The following SDK1 variants were observed in gnomAD, a reference collection of about 807,000 sequenced individuals.
SDK1 encodes sidekick cell adhesion molecule 1.
A neutral mutation model predicts 245.5 loss-of-function variants in SDK1; 157 were observed. That is an observed-to-expected ratio of 0.64 (90% confidence interval 0.56 to 0.73). The LOEUF (loss-of-function observed/expected upper bound fraction) is 0.73. Ranked by LOEUF, SDK1 falls within the 30% of genes least tolerant of loss-of-function variation. The pLI, the probability that SDK1 is intolerant of heterozygous loss-of-function variation, is 0.00. For synonymous variants in SDK1, 1,647 were observed against 1,278.5 expected, an observed-to-expected ratio of 1.29 and a Z score of -6.15; for missense variants, 3,583 against 3,002.3, an observed-to-expected ratio of 1.19 and a Z score of -4.52.
intron 1 of SDK1, among the ~76,000 whole-genome samples, chr7:3,439,389 A>G (rs779052152): frequency 1.3e-5 from 2 of 152,192 alleles, no homozygotes; most frequent in Non-Finnish European, 2.9e-5. Flanking sequence ...TCCTCTAGAG[A>G]CTACTGTTGC....
chr7:3,751,308 CT>C (rs1316132916), intron 4 of SDK1, among the ~76,000 whole-genome samples: 2 of 152,238 alleles, frequency 1.3e-5, no homozygotes, highest in Non-Finnish European at 2.9e-5. Flanking sequence ...TGATGCCCCT[CT>C]TTACTTCCTG....
At position 4,072,896 on chromosome 7, in the gene SDK1, G is replaced by A. The variant is rs35905475; in HGVS notation, c.3011-4102G>A. On this transcript the variant is annotated intron_variant, in intron 20 of 44. Transcript: ENST00000404826. Reference sequence around the variant, plus strand: ...GAGAGGGAAGCACGGAGTAGGGGGCGGCTGCGCCTGCCCGAGTAAATTGCC... The same window carrying A: ...GAGAGGGAAGCACGGAGTAGGGGGCAGCTGCGCCTGCCCGAGTAAATTGCC... Among the ~76,000 whole-genome samples the A allele has an allele frequency of 6.9e-3, 1,058 of 152,340 alleles. 1 individual carries two copies. Among genetic ancestry groups the A allele is most frequent in the Middle Eastern group, 0.014 (4 of 294 alleles).
At chr7:3,676,696 A>G (rs1203582874) in intron 4 of SDK1, among the ~76,000 whole-genome samples, 1 of 152,214 alleles carries the variant, frequency 6.6e-6, no homozygotes, top group Non-Finnish European at 1.5e-5. Flanking sequence ...ATTTTTGTAT[A>G]TGATGATAGA....
chr7:3,514,723 C>A (rs922690093), intron 1 of SDK1, among the ~76,000 whole-genome samples: 6 of 152,092 alleles, frequency 3.9e-5, no homozygotes, highest in Non-Finnish European at 7.4e-5. Context: ...GTACTTAGAC[C>A]CCGTCTCCTT....
intron 1 of SDK1, among the ~76,000 whole-genome samples, chr7:3,563,477 A>G (rs1319143827): frequency 6.6e-6 from 1 of 152,184 alleles, no homozygotes; most frequent in Non-Finnish European, 1.5e-5. Context: ...ATGAAGAGGA[A>G]TGCTATATAT....
chr7:3,678,131 A>T (rs1783967725), intron 4 of SDK1, among the ~76,000 whole-genome samples: 1 of 152,218 alleles, frequency 6.6e-6, no homozygotes. Context: ...TAGAAAATTA[A>T]CAAGTGTTGG....
At chr7:4,247,385 C>G (rs931703196) in intron 44 of SDK1, among the ~76,000 whole-genome samples, 1 of 152,172 alleles carries the variant, frequency 6.6e-6, no homozygotes, top group African/African-American at 2.4e-5. Context: ...CAGCAGGCAG[C>G]AAAGCAGATG....
chr7:3,917,106 A>G (rs1779411408), intron 5 of SDK1, among the ~76,000 whole-genome samples: 1 of 152,258 alleles, frequency 6.6e-6, no homozygotes, highest in South Asian at 2.1e-4. Context: ...GAATCCTGAA[A>G]TAGTATAAAA....
rs148670479 is a variant in SDK1 at position 4,268,022 on chromosome 7, G to A, written c.*2638G>A. On this transcript the variant is annotated 3_prime_UTR_variant, in exon 45 of 45. Coordinates refer to ENST00000404826, the MANE Select transcript of SDK1 (RefSeq NM_152744.4). ...GAAGGAAAAGAAAATCACAGCCTAG[G>A]AAGATGGAGGTTGGATTTTAATCTC... The A allele has an allele frequency of 2.0e-6, 2 of 985,460 alleles. No individual in the cohort carries two copies. The highest frequency in any genetic ancestry group is 2.3e-4 in the East Asian group (2 of 8,808). The allele number at this position is 985,460 out of a possible 1,614,324, so 61.0% of individuals were successfully genotyped here.
At chr7:3,727,593 C>G (rs1216490338) in intron 4 of SDK1, among the ~76,000 whole-genome samples, 2 of 152,102 alleles carry the variant, frequency 1.3e-5, no homozygotes, top group African/African-American at 4.8e-5. Flanking sequence ...TGGGTTCAAG[C>G]AATTCTCCAG....
At chr7:3,462,988 A>T (rs981979978) in intron 1 of SDK1, among the ~76,000 whole-genome samples, 1 of 152,158 alleles carries the variant, frequency 6.6e-6, no homozygotes, top group East Asian at 1.9e-4. Context: ...CCCATTTGGC[A>T]GCTCCCCCGT....
intron 1 of SDK1, among the ~76,000 whole-genome samples, chr7:3,538,615 A>G (rs921769375): frequency 6.6e-6 from 1 of 152,132 alleles, no homozygotes; most frequent in Admixed American, 6.5e-5. Flanking sequence ...ATGTTAAGGA[A>G]TTTGTATTTT....
intron 19 of SDK1, among the ~76,000 whole-genome samples, chr7:4,065,779 T>C (rs993424907): frequency 1.4e-5 from 2 of 145,426 alleles, no homozygotes; most frequent in African/African-American, 2.5e-5. Flanking sequence ...GAAGGCTTTG[T>C]CCAAGTACCA....
At chr7:3,729,548 C>G (rs1779113470) in intron 4 of SDK1, among the ~76,000 whole-genome samples, 1 of 152,168 alleles carries the variant, frequency 6.6e-6, no homozygotes, top group African/African-American at 2.4e-5. Flanking sequence ...TTATCTGACC[C>G]ACAATGCCAA....
At chr7:3,582,508 G>T (rs1022540200) in intron 1 of SDK1, among the ~76,000 whole-genome samples, 1 of 152,004 alleles carries the variant, frequency 6.6e-6, no homozygotes, top group Non-Finnish European at 1.5e-5. Context: ...CCACTCTCAA[G>T]TAGGCCCCAG....
intron 30 of SDK1, among the ~76,000 whole-genome samples, chr7:4,151,424 G>T (rs1271500639): frequency 6.6e-6 from 1 of 152,194 alleles, no homozygotes; most frequent in Non-Finnish European, 1.5e-5. Flanking sequence ...CTCTTACAGG[G>T]CACAACATCT....
intron 1 of SDK1, among the ~76,000 whole-genome samples, chr7:3,418,531 A>C (rs1779444068): frequency 6.6e-6 from 1 of 152,220 alleles, no homozygotes; most frequent in Non-Finnish European, 1.5e-5. Flanking sequence ...GGCATAAAAA[A>C]AAAAGTATTC....
chr7:3,655,919 T>C (rs1474000710), intron 4 of SDK1, among the ~76,000 whole-genome samples: 1 of 152,126 alleles, frequency 6.6e-6, no homozygotes, highest in Non-Finnish European at 1.5e-5. Context: ...GCTGGCCACC[T>C]CACCAGTGTC....
rs78618516 is a variant in SDK1 at position 4,039,624 on chromosome 7, C to T, written c.2603-9724C>T. 6.9e-3 allele frequency among the ~76,000 whole-genome samples: 1,058 copies of T among 152,256 alleles called. 11 individuals carry two copies. The highest frequency in any genetic ancestry group is 0.024 in the African/African-American group (987 of 41,542). On this transcript the variant is annotated intron_variant, in intron 17 of 44. Transcript: ENST00000404826. ...CTGAAAAACTCATGAATATAAATGT[C>T]AGTGATGTCATCTCTGATCCAAAAT... is the stretch of plus-strand genomic sequence containing the variant.
Sources: allele counts gnomAD v4.1 joint callset (sites outside exome capture counted in the v4.1 genomes callset), GRCh38; gene constraint gnomAD v4.1.1; transcripts MANE v1.5; gene names NCBI Gene and HGNC (gene_info 2026-07-23, HGNC 2026-07-21).